Variants in AP3M1 observed in about 807,000 individuals in gnomAD.
AP3M1 encodes adaptor related protein complex 3 subunit mu 1.
In AP3M1, 29 loss-of-function variants were observed where a neutral mutation model predicts 42.6. The observed-to-expected ratio is 0.68, with a 90% confidence interval of 0.51 to 0.93. AP3M1 has a LOEUF of 0.93. Ranked by LOEUF, AP3M1 falls within the 40% of genes least tolerant of loss-of-function variation. The probability of loss-of-function intolerance (pLI) is 0.00; values close to 1 mark genes in which losing one functional copy is unlikely to be tolerated. For missense variants in AP3M1, 416 were observed against 510.2 expected, an observed-to-expected ratio of 0.82 and a Z score of 1.78; for synonymous variants, 178 against 175.3, an observed-to-expected ratio of 1.02 and a Z score of -0.12.
Position 74,124,492 on chromosome 10 carries a change from T to C in AP3M1, c.1044A>G (p.Pro348=). The stretch of plus-strand genomic sequence containing the variant: ...GTCCTTTAAGACTTGGGAGCTTTTG[T>C]GGAGTAATTTTTCCCACATCCCATG... The part of the protein sequence containing the change: ...VLTWDVGKIT[P]QKLPSLKGLV... The change falls in exon 8 of 9, where the codon CCA becomes CCG. Residue 348 remains proline (P), a synonymous_variant. Transcript: ENST00000355264. 6.2e-7 allele frequency: 1 copy of C among 1,610,602 alleles called. No homozygotes were observed. The highest frequency in any genetic ancestry group is 8.5e-7 in the Non-Finnish European group (1 of 1,179,066).
At chr10:74,130,175 C>T (rs982628743) in intron 4 of AP3M1, among the ~76,000 whole-genome samples, 183 bp from the exon 5 acceptor site, 9 of 152,010 alleles carry the variant, frequency 5.9e-5, no homozygotes, top group Non-Finnish European at 1.3e-4. Context: ...CTCAAGTAAT[C>T]CTCCTGCCCT....
At position 74,121,552 on chromosome 10, in the gene AP3M1, A is replaced by T. The variant is rs1277497964; in HGVS notation, c.*2258T>A. Reference sequence around the variant, plus strand: ...AGGGAGCTTTGATCACTAATCTCTCAGACTGTGGCCAGAATGGTGATGCTT... The same window carrying T: ...AGGGAGCTTTGATCACTAATCTCTCTGACTGTGGCCAGAATGGTGATGCTT... On this transcript the variant is annotated 3_prime_UTR_variant, in exon 9 of 9. Transcript: ENST00000355264. 2.0e-5 allele frequency: 3 copies of T among 152,256 alleles called. No homozygotes were observed. Among genetic ancestry groups the T allele is most frequent in the Non-Finnish European group, 4.4e-5 (3 of 68,038 alleles). 9.4% of individuals were successfully genotyped at this position (152,256 alleles called of 1,614,324 possible).
At chr10:74,142,942 T>A (rs1203826301) in intron 1 of AP3M1, among the ~76,000 whole-genome samples, 1 of 152,262 alleles carries the variant, frequency 6.6e-6, no homozygotes, top group Non-Finnish European at 1.5e-5. Flanking sequence ...ATATAATGTA[T>A]GACTTCAAGT....
At chr10:74,148,884 T>A (rs903667138) in intron 1 of AP3M1, among the ~76,000 whole-genome samples, 3 of 151,826 alleles carry the variant, frequency 2.0e-5, no homozygotes, top group Admixed American at 2.0e-4. Flanking sequence ...TTTGTTTTTT[T>A]TTTTTTTGAG....
chr10:74,140,145 G>C (rs986635915), intron 1 of AP3M1, among the ~76,000 whole-genome samples: 3 of 152,152 alleles, frequency 2.0e-5, no homozygotes, highest in Non-Finnish European at 2.9e-5. Flanking sequence ...CAAGGACCTG[G>C]GAGGAGCCCT....
chr10:74,139,722 C>A (rs1841077665), intron 1 of AP3M1, among the ~76,000 whole-genome samples: 1 of 151,716 alleles, frequency 6.6e-6, no homozygotes, highest in Non-Finnish European at 1.5e-5. Context: ...TCGAGACCAT[C>A]CTGGCTAAGA....
intron 7 of AP3M1, among the ~76,000 whole-genome samples, chr10:74,125,837 T>C (rs952658369): frequency 1.3e-5 from 2 of 152,208 alleles, no homozygotes; most frequent in Admixed American, 1.3e-4. Context: ...CTACATAATG[T>C]TTTCTCTTTT....
intron 4 of AP3M1, among the ~76,000 whole-genome samples, chr10:74,131,936 A>G (rs1446484225): frequency 6.6e-6 from 1 of 152,248 alleles, no homozygotes; most frequent in Non-Finnish European, 1.5e-5. Flanking sequence ...CCATCATTAC[A>G]TATTAACAAG....
chr10:74,133,672 T>C (rs191056299), intron 4 of AP3M1, among the ~76,000 whole-genome samples: 88 of 150,958 alleles, frequency 5.8e-4, no homozygotes, highest in African/African-American at 2.0e-3. Flanking sequence ...TCTTCTTCTT[T>C]TTTTTTTTTT....
rs779670202 is a variant in AP3M1 at position 74,134,147 on chromosome 10, C to T, written c.463G>A (p.Asp155Asn). The change falls in exon 4 of 9, where the codon GAC becomes AAC. Residue 155 changes from aspartate (D) to asparagine (N), a missense_variant. By Grantham distance (23) the Asp-to-Asn change is conservative. Coordinates refer to ENST00000355264, the MANE Select transcript of AP3M1 (RefSeq NM_012095.6). Reference sequence around the variant, plus strand: ...GACAGCTGCCCGGTGGGGAGTGTGTCCCCAACATTACTACTGCCTAGAAAC... The same window carrying T: ...GACAGCTGCCCGGTGGGGAGTGTGTTCCCAACATTACTACTGCCTAGAAAC... ...NSITGSSNVG[D>N]TLPTGQLSNI... is the part of the protein sequence containing the mutation. 2 of 1,613,964 alleles carry T rather than the reference C, an allele frequency of 1.2e-6. No individual in the cohort carries two copies. Among genetic ancestry groups the T allele is most frequent in the East Asian group, 4.5e-5 (2 of 44,886 alleles).
At chr10:74,137,467 C>T (rs576509961) in intron 2 of AP3M1, among the ~76,000 whole-genome samples, 7 of 146,494 alleles carry the variant, frequency 4.8e-5, no homozygotes, top group Admixed American at 6.8e-5. Context: ...TGGTATATTC[C>T]GCAAGACAAA....
At position 74,134,114 on chromosome 10, in the gene AP3M1, G is replaced by T; in HGVS notation, c.496C>A (p.Pro166Thr). 2 of 1,614,146 alleles carry T rather than the reference G, an allele frequency of 1.2e-6. No individual in the cohort carries two copies. Among genetic ancestry groups the T allele is most frequent in the Non-Finnish European group, 1.7e-6 (2 of 1,180,022 alleles). Residue 166 changes from proline (P) to threonine (T), a missense_variant, in exon 4 of 9, where the codon CCA becomes ACA. Coordinates refer to ENST00000355264, the MANE Select transcript of AP3M1 (RefSeq NM_012095.6). ...TLPTGQLSNI[P>T]WRRAGVKYTN... Reference sequence around the variant, plus strand: ...TACTTTACCCCTGCCCGACGCCATGGTATGTTGGACAGCTGCCCGGTGGGG... The same window carrying T: ...TACTTTACCCCTGCCCGACGCCATGTTATGTTGGACAGCTGCCCGGTGGGG...
rs58110411 is a variant in AP3M1, at chr10:74,126,970, C to CAAAAAA, written c.804-621_804-616dup. On this transcript the variant is annotated intron_variant, in intron 6 of 8. Coordinates refer to ENST00000355264, the MANE Select transcript of AP3M1 (RefSeq NM_012095.6). ...TGGGCAAAGGAGCGAGACGCCATCT[C>CAAAAAA]AAAAAAAAAAAAAAAAAAAAAAAAA... 1.0e-3 allele frequency among the ~76,000 whole-genome samples: 33 copies of CAAAAAA among 32,356 alleles called. 1 individual carries two copies. Among genetic ancestry groups the CAAAAAA allele is most frequent in the East Asian group, 1.6e-3 (1 of 614 alleles). 21.2% of individuals were successfully genotyped at this position (32,356 alleles called of 152,430 possible). A position where few individuals can be genotyped will look rare whatever the true frequency, so the allele number is the denominator to read the frequency against.
intron 3 of AP3M1, among the ~76,000 whole-genome samples, chr10:74,135,385 G>A (rs1367261243): frequency 1.3e-5 from 2 of 152,092 alleles, no homozygotes; most frequent in South Asian, 2.1e-4. Context: ...ACCCACCACA[G>A]TTCAGGAGGG....
intron 2 of AP3M1, 122 bp from the exon 3 acceptor site, chr10:74,136,925 T>C (rs1840966593): frequency 1.6e-6 from 1 of 617,334 alleles, no homozygotes; most frequent in Non-Finnish European, 2.4e-6. Flanking sequence ...GCTGAACATA[T>C]ATAAAACAGA....
At chr10:74,131,605 T>G (rs1320231322) in intron 4 of AP3M1, among the ~76,000 whole-genome samples, 1 of 152,168 alleles carries the variant, frequency 6.6e-6, no homozygotes, top group South Asian at 2.1e-4. Flanking sequence ...TGGAGTACAG[T>G]GGTGTGAACA....
chr10:74,126,573 C>T (rs888221183), intron 6 of AP3M1, among the ~76,000 whole-genome samples: 11 of 152,022 alleles, frequency 7.2e-5, no homozygotes, highest in South Asian at 2.1e-4. Context: ...ATTGGCCAGG[C>T]GTGGTGGCTC....
intron 4 of AP3M1, among the ~76,000 whole-genome samples, chr10:74,131,893 G>A (rs1359045280): frequency 2.6e-5 from 4 of 152,068 alleles, no homozygotes; most frequent in Non-Finnish European, 5.9e-5. Flanking sequence ...GGGACTCATG[G>A]AAGAGAAGAT....
At position 74,126,281 on chromosome 10, in the gene AP3M1, A is replaced by T. The variant is rs374256119; in HGVS notation, c.878T>A (p.Ile293Lys). The T allele has an allele frequency of 3.7e-6, 6 of 1,614,196 alleles. No homozygotes were observed. Among genetic ancestry groups the T allele is most frequent in the Non-Finnish European group, 5.1e-6 (6 of 1,180,036 alleles). The change falls in exon 7 of 9, where the codon ATA (isoleucine) becomes AAA (lysine). Residue 293 changes from isoleucine to lysine, a missense_variant. Transcript: ENST00000355264. ...CATATTCTGCTTTGGTCCAATTGTT[A>T]TATCAAATCTGCCGCAAGAACTGTT... ...KENSSCGRFDITIGPKQNMGK... is the reference protein window; with the variant it reads ...KENSSCGRFDKTIGPKQNMGK...
Sources: gnomAD v4.1 joint callset for allele counts (sites outside exome capture counted in the v4.1 genomes callset) on GRCh38, gnomAD v4.1.1 for gene constraint, MANE v1.5 for transcripts, NCBI Gene and HGNC (gene_info 2026-07-23, HGNC 2026-07-21) for gene names.